The following VPS35L variants were observed in gnomAD, a reference collection of about 807,000 sequenced individuals.
VPS35L encodes VPS35 endosomal protein sorting factor like, also known as VPS35 endosomal protein-sorting factor-like.
Under a neutral mutation model 133.0 loss-of-function variants are expected in VPS35L, and 83 were observed. The observed-to-expected ratio is 0.62, with a 90% CI of 0.52 to 0.75. The LOEUF (loss-of-function observed/expected upper bound fraction) is 0.75, where lower values mean the gene tolerates loss of function less well. Among genes scored for constraint, VPS35L ranks in the 30% least tolerant of loss-of-function variants. VPS35L has a pLI of 0.00. For synonymous variants in VPS35L, 423 were observed against 449.9 expected, an observed-to-expected ratio of 0.94 and a Z score of 0.76; for missense variants, 1,083 against 1,206.8, an observed-to-expected ratio of 0.90 and a Z score of 1.52.
At position 19,564,952 on chromosome 16, in the gene VPS35L, TAAG is replaced by T; in HGVS notation, c.117+3_117+5del. ...TATCACCCTCTGAAACCCATAACTG[TAAG>T]TTTTGTTAAGGGTCTTTCTGAATGA... On this transcript the variant is annotated splice_donor_5th_base_variant and intron_variant, in intron 2 of 30. Transcript: ENST00000417362. The T allele has an allele frequency of 6.4e-7, 1 of 1,571,944 alleles. No individual in the cohort carries two copies. The highest frequency in any genetic ancestry group is 2.2e-5 in the East Asian group (1 of 44,632).
chr16:19,623,346 C>T (rs947051309), intron 14 of VPS35L, among the ~76,000 whole-genome samples: 1 of 152,146 alleles, frequency 6.6e-6, no homozygotes, highest in African/African-American at 2.4e-5. Flanking sequence ...ACCTTCTTGC[C>T]GTGTTCTCAC....
chr16:19,681,665 T>C (rs1975284296), intron 27 of VPS35L, among the ~76,000 whole-genome samples: 1 of 152,240 alleles, frequency 6.6e-6, no homozygotes, highest in Non-Finnish European at 1.5e-5. Flanking sequence ...TGCTATAAAC[T>C]CTGTGACTGT....
intron 2 of VPS35L, among the ~76,000 whole-genome samples, chr16:19,566,449 T>TCCTG (rs1222540260): frequency 6.6e-6 from 1 of 152,108 alleles, no homozygotes; most frequent in Admixed American, 6.6e-5. Flanking sequence ...TGAGCTAAGA[T>TCCTG]CACGCCACTG....
At chr16:19,627,937 C>T (rs986808374) in intron 16 of VPS35L, 132 bp downstream of exon 16, 26 of 711,186 alleles carry the variant, frequency 3.7e-5, no homozygotes, top group Middle Eastern at 3.2e-4. Context: ...TTCTGAGGAA[C>T]GCAATGGAAG....
At position 19,663,574 on chromosome 16, in the gene VPS35L, T is replaced by C. The variant is rs1482014041; in HGVS notation, c.2222-5586T>C. 2.7e-5 allele frequency among the ~76,000 whole-genome samples: 4 copies of C among 147,058 alleles called. No homozygotes were observed. In the East Asian group the frequency reaches 8.2e-4, roughly 30 times the overall value. On this transcript the variant is annotated intron_variant, in intron 26 of 30. Coordinates refer to ENST00000417362, the MANE Select transcript of VPS35L (RefSeq NM_020314.7). ...TTTTTTGTATGTAATATGTCATAGATGTCTTTATACCTCAAATATACCTCA... is the reference window on the plus strand; with the variant it reads ...TTTTTTGTATGTAATATGTCATAGACGTCTTTATACCTCAAATATACCTCA...
At chr16:19,616,854 G>T in intron 14 of VPS35L, 46 bp downstream of exon 14, 1 of 1,613,542 alleles carries the variant, frequency 6.2e-7, no homozygotes, top group Admixed American at 1.7e-5. Context: ...CCTGTATGGT[G>T]ACAGCCCCTG....
At position 19,640,112 on chromosome 16, in the gene VPS35L, T is replaced by C. The variant is rs1259887943; in HGVS notation, c.1784+12T>C. Reference sequence around the variant, plus strand: ...GACGCCTTTATCAAGTGAGTGCCACTGCGTGCAGCAGAAGCCTTGATTCCC... The same window carrying C: ...GACGCCTTTATCAAGTGAGTGCCACCGCGTGCAGCAGAAGCCTTGATTCCC... On this transcript the variant is annotated intron_variant, in intron 21 of 30. Coordinates refer to ENST00000417362, the MANE Select transcript of VPS35L (RefSeq NM_020314.7). 4 of 1,609,888 alleles carry C rather than the reference T, an allele frequency of 2.5e-6. No homozygotes were observed. The South Asian group carries it at 3.3e-5, about 13-fold the overall frequency.
rs915195229 is a variant in VPS35L at position 19,630,892 on chromosome 16, C to G, written c.1554+1072C>G. 4.6e-5 allele frequency among the ~76,000 whole-genome samples: 7 copies of G among 152,040 alleles called. 1 individual carries two copies. Among genetic ancestry groups the G allele is most frequent in the Non-Finnish European group, 8.8e-5 (6 of 67,994 alleles). On this transcript the variant is annotated intron_variant, in intron 18 of 30. Coordinates refer to ENST00000417362, the MANE Select transcript of VPS35L (RefSeq NM_020314.7). ...GGTATGGTGACACCTGCCTGTAGTC[C>G]TAGCTACCCAGGAGGTTGAGGGAGG... is the stretch of plus-strand genomic sequence containing the variant.
At chr16:19,602,747 T>G (rs1475713662) in intron 9 of VPS35L, among the ~76,000 whole-genome samples, 1 of 151,998 alleles carries the variant, frequency 6.6e-6, no homozygotes, top group Non-Finnish European at 1.5e-5. Flanking sequence ...GGACTACTGG[T>G]GCCTGCCACC....
intron 30 of VPS35L, among the ~76,000 whole-genome samples, chr16:19,700,147 G>A (rs6497395): frequency 0.34 from 52,155 of 152,054 alleles, 13,958 homozygotes; most frequent in African/African-American, 0.75. Context: ...CTCTGAATAG[G>A]AACCATACAT....
intron 28 of VPS35L, among the ~76,000 whole-genome samples, chr16:19,685,526 T>A (rs1440051999): frequency 1.3e-5 from 2 of 152,186 alleles, no homozygotes; most frequent in African/African-American, 4.8e-5. Context: ...TGGTGTACAT[T>A]CCCATTGGCT....
intron 26 of VPS35L, among the ~76,000 whole-genome samples, chr16:19,664,817 T>C (rs1974608337): frequency 6.6e-6 from 1 of 151,748 alleles, no homozygotes; most frequent in African/African-American, 2.4e-5. Context: ...GGAGAATCGC[T>C]TGAACCCGGG....
chr16:19,676,633 C>A (rs55731626), intron 27 of VPS35L, among the ~76,000 whole-genome samples: 38,042 of 152,038 alleles, frequency 0.25, 5,002 homozygotes, highest in Non-Finnish European at 0.28. Context: ...CTAACGATCT[C>A]GGATCCAGCA....
Position 19,631,970 on chromosome 16 carries a change from TTC to T in VPS35L, c.1555-1120_1555-1119del, listed in dbSNP as rs1597378688. Among the ~76,000 whole-genome samples the T allele has an allele frequency of 8.6e-5, 13 of 151,824 alleles. No homozygotes were observed. In the South Asian group the frequency reaches 2.7e-3, roughly 31 times the overall value. On this transcript the variant is annotated intron_variant, in intron 18 of 30. Coordinates refer to ENST00000417362, the MANE Select transcript of VPS35L (RefSeq NM_020314.7). ...AAAAAAGTTACTAATTTTTTTTTTC[TTC>T]TGTTTTTGAGATGGAGTCTCACTCC...
At chr16:19,586,630 G>A (rs1426723779) in intron 7 of VPS35L, among the ~76,000 whole-genome samples, 1 of 152,098 alleles carries the variant, frequency 6.6e-6, no homozygotes, top group East Asian at 1.9e-4. Flanking sequence ...GTGAGCCACC[G>A]TGCCCAGTCA....
chr16:19,654,831 T>C (rs1252761442), intron 26 of VPS35L, among the ~76,000 whole-genome samples: 1 of 152,196 alleles, frequency 6.6e-6, no homozygotes, highest in African/African-American at 2.4e-5. Context: ...AAGGGGAGGC[T>C]TTAGAAGCCT....
chr16:19,648,929 A>G (rs1461465963), intron 24 of VPS35L, among the ~76,000 whole-genome samples: 1 of 151,708 alleles, frequency 6.6e-6, no homozygotes, highest in East Asian at 1.9e-4. Flanking sequence ...ATTTATGTCT[A>G]ACAACTTGAC....
At chr16:19,650,483 T>G (rs1383086155) in intron 25 of VPS35L, 24 bp downstream of exon 25, 6 of 1,587,246 alleles carry the variant, frequency 3.8e-6, no homozygotes, top group Non-Finnish European at 5.2e-6. Flanking sequence ...ATAAGGACTG[T>G]TGGACCTCGA....
chr16:19,581,684 A>G (rs749590796), intron 7 of VPS35L, 31 bp downstream of exon 7: 2 of 1,236,290 alleles, frequency 1.6e-6, no homozygotes, highest in Non-Finnish European at 2.1e-6. Context: ...ACCCCCACCC[A>G]GAATTTCCTA....
Sources: gnomAD v4.1 joint callset for allele counts (sites outside exome capture counted in the v4.1 genomes callset) on GRCh38, gnomAD v4.1.1 for gene constraint, MANE v1.5 for transcripts, NCBI Gene and HGNC (gene_info 2026-07-23, HGNC 2026-07-21) for gene names.